The following ACSL5 variants were observed in gnomAD, a reference collection of about 807,000 sequenced individuals.
The protein encoded by ACSL5 is acyl-CoA synthetase long chain family member 5, also known as long-chain-fatty-acid--CoA ligase 5.
A neutral mutation model predicts 84.9 loss-of-function variants in ACSL5; 50 were observed. That is an observed-to-expected ratio of 0.59 (90% CI 0.47 to 0.75). The LOEUF (loss-of-function observed/expected upper bound fraction) is 0.75. ACSL5 is among the 30% of genes least tolerant of loss of function. The pLI, the probability that ACSL5 is intolerant of heterozygous loss-of-function variation, is 0.00. For missense variants in ACSL5, 775 were observed against 830.4 expected (o/e 0.93, Z 0.82); for synonymous variants, 280 against 300.7 (o/e 0.93, Z 0.71).
chr10:112,401,845 TTCCTTCCTTC>T, intron 3 of ACSL5, among the ~76,000 whole-genome samples: 1 of 96,564 alleles, frequency 1.0e-5, no homozygotes, highest in Non-Finnish European at 2.4e-5. Flanking sequence ...TCTTTCTTCC[TTCCTTCCTTC>T]CTTTCTTTCT....
At chr10:112,388,600 C>T (rs1645466133) in intron 1 of ACSL5, among the ~76,000 whole-genome samples, 1 of 152,060 alleles carries the variant, frequency 6.6e-6, no homozygotes, top group African/African-American at 2.4e-5. Context: ...TTTTATGTGC[C>T]AGGCATGGTG....
chr10:112,406,383 A>G (rs1844038977), intron 5 of ACSL5: 1 of 152,168 alleles, frequency 6.6e-6, no homozygotes, highest in African/African-American at 2.4e-5. Context: ...CCCCACACTT[A>G]AAACTTCATT....
chr10:112,421,683 T>TG lies in ACSL5; in HGVS notation c.1387+21dup. The TG allele has an allele frequency of 6.2e-7, 1 of 1,606,218 alleles. No individual in the cohort carries two copies. The highest frequency in any genetic ancestry group is 8.5e-7 in the Non-Finnish European group (1 of 1,172,794). The stretch of plus-strand genomic sequence containing the variant: ...GACATCAGGTAAGTCCTCCATCTGC[T>TG]GGGCAGGAGGTGCCATGGTTGGGAG... On this transcript the variant is annotated intron_variant, in intron 15 of 20. Coordinates refer to ENST00000354655, the MANE Select transcript of ACSL5 (RefSeq NM_203379.2).
intron 1 of ACSL5, among the ~76,000 whole-genome samples, chr10:112,381,408 T>G (rs1322752866): frequency 6.6e-6 from 1 of 152,006 alleles, no homozygotes; most frequent in East Asian, 1.9e-4. Context: ...TGGCTCACAC[T>G]TGTAATCCCA....
intron 17 of ACSL5, among the ~76,000 whole-genome samples, chr10:112,424,011 G>A (rs1239951279): frequency 6.6e-6 from 1 of 152,160 alleles, no homozygotes; most frequent in African/African-American, 2.4e-5. Flanking sequence ...TGATAATGCC[G>A]TTGGTCCACA....
At chr10:112,376,534 C>T in intron 1 of ACSL5, 1 of 1,568,902 alleles carries the variant, frequency 6.4e-7, no homozygotes, top group African/African-American at 1.4e-5. Flanking sequence ...TGACCCCCGA[C>T]TTTCTTTAAG....
At chr10:112,378,209 G>T (rs1187033186) in intron 1 of ACSL5, among the ~76,000 whole-genome samples, 1 of 133,236 alleles carries the variant, frequency 7.5e-6, no homozygotes, top group Non-Finnish European at 1.6e-5. Context: ...ATTTAATCAA[G>T]ACAATCTTCT....
At chr10:112,398,850 A>T in intron 2 of ACSL5, 51 bp from the exon 3 acceptor site, 1 of 1,493,002 alleles carries the variant, frequency 6.7e-7, no homozygotes, top group South Asian at 1.1e-5. Context: ...AAGGTTTTGG[A>T]AAGAGTGAGG....
At chr10:112,411,330 G>C (rs1844171239) in intron 9 of ACSL5, 126 bp from the exon 10 acceptor site, 1 of 752,388 alleles carries the variant, frequency 1.3e-6, no homozygotes, top group African/African-American at 1.7e-5. Context: ...TCCACAAAAA[G>C]ACACAGTGAC....
chr10:112,382,095 T>G (rs972883707), intron 1 of ACSL5, among the ~76,000 whole-genome samples: 4 of 152,122 alleles, frequency 2.6e-5, no homozygotes, highest in African/African-American at 9.7e-5. Flanking sequence ...TGAGCATGCT[T>G]TCCTGTGCTA....
intron 3 of ACSL5, among the ~76,000 whole-genome samples, chr10:112,400,054 G>C (rs4351741): frequency 0.47 from 70,904 of 152,086 alleles, 17,150 homozygotes; most frequent in South Asian, 0.58. Flanking sequence ...TATCTGAAGA[G>C]TCCGATGGGG....
At chr10:112,423,014 C>T (rs1486372803) in intron 17 of ACSL5, among the ~76,000 whole-genome samples, 6 of 146,270 alleles carry the variant, frequency 4.1e-5, no homozygotes, top group Non-Finnish European at 9.0e-5. Context: ...CGGTGAAACC[C>T]CGTCTCTACT....
At chr10:112,386,754 C>G (rs1849462257) in intron 1 of ACSL5, among the ~76,000 whole-genome samples, 1 of 152,146 alleles carries the variant, frequency 6.6e-6, no homozygotes, top group African/African-American at 2.4e-5. Flanking sequence ...TTCTTAGGTA[C>G]TTCAGATCTA....
At chr10:112,410,732 G>C in intron 9 of ACSL5, 97 bp downstream of exon 9, 1 of 1,318,912 alleles carries the variant, frequency 7.6e-7, no homozygotes, top group South Asian at 1.3e-5. Context: ...TCCCTCTAAA[G>C]AGCCCTATAC....
rs560387514 is a variant in ACSL5 at position 112,397,175 on chromosome 10, T to C, written c.157-1726T>C. Among the ~76,000 whole-genome samples, 20 of 151,480 alleles carry C rather than the reference T, an allele frequency of 1.3e-4. No homozygotes were observed. In the Middle Eastern group the frequency reaches 0.014, roughly 104 times the overall value. On this transcript the variant is annotated intron_variant, in intron 2 of 20. Transcript: ENST00000354655. The stretch of plus-strand genomic sequence containing the variant: ...TCCTAGCTACTCCCTTTTTCTTTTT[T>C]TTTTTTTTTTTAGAGGAAGTCTCGC...
chr10:112,399,871 C>T (rs1199558362), intron 3 of ACSL5, among the ~76,000 whole-genome samples: 1 of 152,204 alleles, frequency 6.6e-6, no homozygotes, highest in Non-Finnish European at 1.5e-5. Context: ...AGGACCCAGA[C>T]TCACAGCTTC....
chr10:112,403,221 T>C (rs1843945650), intron 3 of ACSL5, among the ~76,000 whole-genome samples: 1 of 152,260 alleles, frequency 6.6e-6, no homozygotes, highest in South Asian at 2.1e-4. Context: ...GGTCCCACTT[T>C]ACTAGCTGTT....
Position 112,404,714 on chromosome 10 carries a change from A to G in ACSL5, c.340A>G (p.Arg114Gly), listed in dbSNP as rs1843989593. 3 of 1,613,746 alleles carry G rather than the reference A, an allele frequency of 1.9e-6. No individual in the cohort carries two copies. Among genetic ancestry groups the G allele is most frequent in the Admixed American group, 3.3e-5 (2 of 59,980 alleles). Residue 114 changes from arginine (R) to glycine (G), a missense_variant, in exon 5 of 21, where the codon AGA becomes GGA. By Grantham distance (125) the Arg-to-Gly change is moderately radical (BLOSUM62 -2). Coordinates refer to ENST00000354655, the MANE Select transcript of ACSL5 (RefSeq NM_203379.2). ...RWLSYKQVSD[R>G]AEYLGSCLLH... is the part of the protein sequence containing the mutation. ...TCTCTCTTTTTTGTAGGTGTCTGAT[A>G]GAGCAGAGTACCTGGGTTCCTGTCT...
At chr10:112,416,655 A>G (rs1844321693) in intron 12 of ACSL5, among the ~76,000 whole-genome samples, 1 of 151,948 alleles carries the variant, frequency 6.6e-6, no homozygotes, top group African/African-American at 2.4e-5. Flanking sequence ...TTGTTTCCCA[A>G]GGACTAAAAA....
Sources: allele counts gnomAD v4.1 joint callset (sites outside exome capture counted in the v4.1 genomes callset), GRCh38; gene constraint gnomAD v4.1.1; transcripts MANE v1.5; gene names NCBI Gene and HGNC (gene_info 2026-07-23, HGNC 2026-07-21).